ASB3: variants seen among roughly 807,000 people sequenced by gnomAD.
ASB3 encodes ankyrin repeat and SOCS box containing 3, also known as ankyrin repeat and SOCS box protein 3.
ASB3 carries 41 observed loss-of-function variants against 54.5 expected under a neutral mutation model. The observed-to-expected ratio is 0.75, with a 90% CI of 0.59 to 0.98. The LOEUF (loss-of-function observed/expected upper bound fraction) is 0.98, where lower values mean the gene tolerates loss of function less well. ASB3 is among the 50% of genes least tolerant of loss of function. The probability of loss-of-function intolerance (pLI) is 0.00; values close to 1 mark genes in which losing one functional copy is unlikely to be tolerated. For missense variants in ASB3, 733 were observed against 620.0 expected (o/e 1.18, Z -1.94); for synonymous variants, 266 against 221.2 (o/e 1.20, Z -1.80).
chr2:53,714,320 C>T (rs1670269528), intron 7 of ASB3, 64 bp downstream of exon 7: 3 of 1,567,866 alleles, frequency 1.9e-6, no homozygotes, highest in South Asian at 2.4e-5. Flanking sequence ...AAGAAAGTCA[C>T]TTCAAAACAC....
At position 53,670,521 on chromosome 2, in the gene ASB3, T is replaced by G; in HGVS notation, c.1539A>C (p.Ala513=). The change falls in exon 10 of 10, where the codon GCA becomes GCC. Residue 513 remains alanine, a synonymous_variant. Coordinates refer to ENST00000263634, the MANE Select transcript of ASB3 (RefSeq NM_016115.5). ...CACTGATTTATCCATCTTGAATAGC[T>G]GCCAGTTCTGGAACTTCATACATCC... ...VLRMYEVPEL[A]AIQDG The G allele has an allele frequency of 1.9e-6, 3 of 1,613,774 alleles. No individual in the cohort carries two copies. Among genetic ancestry groups the G allele is most frequent in the East Asian group, 4.5e-5 (2 of 44,856 alleles).
intron 3 of ASB3, among the ~76,000 whole-genome samples, chr2:53,735,251 A>G (rs1379367431): frequency 6.6e-6 from 1 of 152,078 alleles, no homozygotes; most frequent in Non-Finnish European, 1.5e-5. Flanking sequence ...AATTTGTTCA[A>G]TTCTGAAACG....
At chr2:53,769,172 A>G (rs1304309333) in intron 1 of ASB3, among the ~76,000 whole-genome samples, 5 of 152,250 alleles carry the variant, frequency 3.3e-5, no homozygotes, top group African/African-American at 1.2e-4. Context: ...TTCTAGAACA[A>G]TATTCAAGAC....
At chr2:53,673,690 T>A (rs193294207) in intron 9 of ASB3, among the ~76,000 whole-genome samples, 2 of 152,224 alleles carry the variant, frequency 1.3e-5, no homozygotes, top group African/African-American at 4.8e-5. Context: ...TTCTTTAAAC[T>A]ATGATAAGCT....
intron 3 of ASB3, among the ~76,000 whole-genome samples, chr2:53,734,947 T>C (rs1376730405): frequency 1.4e-5 from 2 of 143,822 alleles, no homozygotes; most frequent in Non-Finnish European, 1.5e-5. Flanking sequence ...TGAGATGGAG[T>C]CTTGCTCTGT....
At chr2:53,737,049 T>A (rs1481850302) in intron 3 of ASB3, among the ~76,000 whole-genome samples, 2 of 152,166 alleles carry the variant, frequency 1.3e-5, no homozygotes, top group East Asian at 3.8e-4. Context: ...CTCGCCAAAT[T>A]GAATAAGCTT....
At chr2:53,769,071 G>T (rs571836521) in intron 1 of ASB3, among the ~76,000 whole-genome samples, 26 of 152,306 alleles carry the variant, frequency 1.7e-4, no homozygotes, top group Non-Finnish European at 3.4e-4. Flanking sequence ...TGGGATGTTG[G>T]ACACAGTGAC....
chr2:53,775,460 A>G (rs1674272569), intron 1 of ASB3, among the ~76,000 whole-genome samples: 2 of 151,808 alleles, frequency 1.3e-5, no homozygotes, highest in Non-Finnish European at 2.9e-5. Context: ...AAGAACAGGC[A>G]CCTCCTGGAA....
At chr2:53,721,248 A>G (rs889131715) in intron 5 of ASB3, among the ~76,000 whole-genome samples, 11 of 151,816 alleles carry the variant, frequency 7.2e-5, no homozygotes, top group African/African-American at 2.4e-4. Flanking sequence ...AAACCACACA[A>G]TTACATAGAA....
At chr2:53,760,662 C>T (rs1358463795) in intron 2 of ASB3, among the ~76,000 whole-genome samples, 1 of 152,142 alleles carries the variant, frequency 6.6e-6, no homozygotes, top group Non-Finnish European at 1.5e-5. Flanking sequence ...TTCACTAGAC[C>T]TTTCACTTAG....
intron 1 of ASB3, among the ~76,000 whole-genome samples, chr2:53,775,919 T>C (rs1459293479): frequency 6.6e-6 from 1 of 152,200 alleles, no homozygotes; most frequent in Non-Finnish European, 1.5e-5. Flanking sequence ...AGAGTATCAA[T>C]TGGGTGTATG....
At position 53,672,826 on chromosome 2, in the gene ASB3, T is replaced by C. The variant is rs139820839; in HGVS notation, c.1370-2136A>G. On this transcript the variant is annotated intron_variant, in intron 9 of 9. Transcript: ENST00000263634. Reference sequence around the variant, plus strand: ...TTTTTACAGGTTTTTTTGCTTTCAGTTGTTGTAGCCACGTCTAATTCAATA... The same window carrying C: ...TTTTTACAGGTTTTTTTGCTTTCAGCTGTTGTAGCCACGTCTAATTCAATA... 1.1e-4 allele frequency among the ~76,000 whole-genome samples: 16 copies of C among 152,300 alleles called. No individual in the cohort carries two copies. In the East Asian group the frequency reaches 2.7e-3, roughly 26 times the overall value.
intron 2 of ASB3, among the ~76,000 whole-genome samples, chr2:53,758,196 G>A (rs1360659391): frequency 6.6e-6 from 1 of 152,200 alleles, no homozygotes; most frequent in East Asian, 1.9e-4. Flanking sequence ...CAAGGGCGTA[G>A]CCTGAAAACA....
rs750767404 is a variant in ASB3 at position 53,765,464 on chromosome 2, C to T, written c.109G>A (p.Asp37Asn). The T allele has an allele frequency of 1.2e-6, 2 of 1,614,090 alleles. No homozygotes were observed. Among genetic ancestry groups the T allele is most frequent in the Admixed American group, 1.7e-5 (1 of 60,002 alleles). Residue 37 changes from aspartate (D) to asparagine (N), a missense_variant, in exon 2 of 10, where the codon GAT (aspartate) becomes AAT (asparagine). Asp to Asn is a conservative substitution (Grantham distance 23). Coordinates refer to ENST00000263634, the MANE Select transcript of ASB3 (RefSeq NM_016115.5). ...RKLLKKGRSV[D>N]VADNRGWMPI... ...ATCCATCCCCTGTTATCAGCAACAT[C>T]GACACTTCGGCCCTTTTTGAGCAGT...
chr2:53,761,683 T>C (rs958051810), intron 2 of ASB3, among the ~76,000 whole-genome samples: 1 of 152,226 alleles, frequency 6.6e-6, no homozygotes, highest in African/African-American at 2.4e-5. Flanking sequence ...AGAGAGCATA[T>C]GATGGGACTT....
intron 5 of ASB3, among the ~76,000 whole-genome samples, chr2:53,722,343 T>C (rs1428883303): frequency 6.6e-6 from 1 of 152,088 alleles, no homozygotes; most frequent in African/African-American, 2.4e-5. Context: ...AGCATCACCC[T>C]AATACAAAAA....
rs764224609 is a variant in ASB3 at position 53,765,518 on chromosome 2, T to C, written c.55A>G (p.Arg19Gly). The change falls in exon 2 of 10, where the codon AGG (arginine) becomes GGG (glycine). Residue 19 changes from arginine (R) to glycine (G), a missense_variant. Coordinates refer to ENST00000263634, the MANE Select transcript of ASB3 (RefSeq NM_016115.5). ...DTCSTVGLAA[R>G]EGNVKVLRKL... Reference sequence around the variant, plus strand: ...CTTAAGACTTTAACATTGCCTTCCCTGGCAGCAAGTCCAACTGTAGAGCAC... The same window carrying C: ...CTTAAGACTTTAACATTGCCTTCCCCGGCAGCAAGTCCAACTGTAGAGCAC... 1.9e-6 allele frequency: 3 copies of C among 1,614,112 alleles called. No individual in the cohort carries two copies. The highest frequency in any genetic ancestry group is 2.5e-6 in the Non-Finnish European group (3 of 1,180,048).
At chr2:53,699,761 G>A (rs1052033845) in intron 8 of ASB3, among the ~76,000 whole-genome samples, 9 of 152,082 alleles carry the variant, frequency 5.9e-5, no homozygotes, top group African/African-American at 2.2e-4. Context: ...ATTCTGACTC[G>A]GCGTTTGTAT....
Position 53,716,743 on chromosome 2 carries a change from C to G in ASB3, c.605G>C (p.Gly202Ala), listed in dbSNP as rs139081847. The change falls in exon 6 of 10, where the codon GGT (glycine) becomes GCT (alanine). Residue 202 changes from glycine (G) to alanine (A), a missense_variant and splice_region_variant. Transcript: ENST00000263634. ...LESLSILISSGANVNCQALDK... is the reference protein window; with the variant it reads ...LESLSILISSAANVNCQALDK... The stretch of plus-strand genomic sequence containing the variant: ...CAAGGCTTGACAATTGACATTTGCA[C>G]CTAAGGGTACAAAATAAAACATTTA... The G allele has an allele frequency of 6.2e-7, 1 of 1,609,258 alleles. No homozygotes were observed. The highest frequency in any genetic ancestry group is 1.3e-5 in the African/African-American group (1 of 74,686).
Sources: allele counts gnomAD v4.1 joint callset (sites outside exome capture counted in the v4.1 genomes callset), GRCh38; gene constraint gnomAD v4.1.1; transcripts MANE v1.5; gene names NCBI Gene and HGNC (gene_info 2026-07-23, HGNC 2026-07-21).